The following SMYD4 variants were observed in gnomAD, a reference collection of about 807,000 sequenced individuals.
SMYD4 encodes protein-lysine N-methyltransferase SMYD4.
SMYD4 carries 68 observed loss-of-function variants against 72.8 expected under a neutral mutation model. The observed-to-expected ratio is 0.93, with a 90% confidence interval of 0.77 to 1.14. The LOEUF (loss-of-function observed/expected upper bound fraction) is 1.14. Among genes scored for constraint, SMYD4 ranks in the 50% most tolerant of loss-of-function variants. The probability of loss-of-function intolerance (pLI) is 0.00; values close to 1 mark genes in which losing one functional copy is unlikely to be tolerated. For synonymous variants in SMYD4, 407 were observed against 388.6 expected (o/e 1.05, Z -0.56); for missense variants, 984 against 1,003.7 (o/e 0.98, Z 0.27).
chr17:1,820,498 C>T (rs533886180), intron 2 of SMYD4, among the ~76,000 whole-genome samples: 2 of 152,284 alleles, frequency 1.3e-5, no homozygotes, highest in African/African-American at 4.8e-5. Flanking sequence ...CCTAAGCCTC[C>T]CAAAGTGTTG....
rs140604429 is a variant in SMYD4, at chr17:1,799,888, G to A, written c.1506C>T (p.Asn502=). The A allele has an allele frequency of 1.6e-5, 26 of 1,610,986 alleles. No individual in the cohort carries two copies. Among genetic ancestry groups the A allele is most frequent in the African/African-American group, 1.3e-4 (10 of 74,992 alleles). The part of the protein sequence containing the change: ...MLRHMLQLQC[N]AQAMTTIQHT... ...GTTGTATGGTGGTCATCGCCTGAGC[G>A]TTACACTGAAGCTGTAACATGTGTC... Residue 502 remains asparagine (N), a synonymous_variant, in exon 5 of 11, where the codon AAC becomes AAT. Coordinates refer to ENST00000305513, the MANE Select transcript of SMYD4 (RefSeq NM_052928.3).
In SMYD4 at chr17:1,814,656, T is replaced by A. The variant is rs550216642; in HGVS notation, c.135-2541A>T. 3 of 152,006 alleles carry A rather than the reference T, an allele frequency of 2.0e-5. No homozygotes were observed. In the East Asian group the frequency reaches 5.8e-4, roughly 29 times the overall value. 9.4% of individuals were successfully genotyped at this position (152,006 alleles called of 1,614,324 possible). On this transcript the variant is annotated intron_variant, in intron 2 of 10. Coordinates refer to ENST00000305513, the MANE Select transcript of SMYD4 (RefSeq NM_052928.3). ...CCTGGGCAACATAGTGGAACCCACCTCCACAAAAAATACAAAAATTAGCCG... is the reference window on the plus strand; with the variant it reads ...CCTGGGCAACATAGTGGAACCCACCACCACAAAAAATACAAAAATTAGCCG...
chr17:1,787,620 G>C lies in SMYD4; in HGVS notation c.1538-16C>G. The C allele has an allele frequency of 1.3e-6, 2 of 1,558,564 alleles. No individual in the cohort carries two copies. Among genetic ancestry groups the C allele is most frequent in the Non-Finnish European group, 1.7e-6 (2 of 1,152,086 alleles). On this transcript the variant is annotated splice_polypyrimidine_tract_variant and intron_variant, in intron 5 of 10. Transcript: ENST00000305513. The stretch of plus-strand genomic sequence containing the variant: ...CCTTTAGGTCCTGAAAGGGCAAGAG[G>C]AAAGAAGGAAAAAGGTGTCAGCACA...
chr17:1,810,482 A>T (rs1191501810), intron 3 of SMYD4, among the ~76,000 whole-genome samples: 2 of 152,034 alleles, frequency 1.3e-5, no homozygotes, highest in Non-Finnish European at 2.9e-5. Flanking sequence ...TGTTGCAGTG[A>T]TCACAGCTCA....
Position 1,800,927 on chromosome 17 carries a change from A to G in SMYD4, c.467T>C (p.Leu156Pro). Reference sequence around the variant, plus strand: ...CTGGCTTGCCTCCTGCAGTCTCCCCAGGGCCACCAGACATTCTGCTTTACG... The same window carrying G: ...CTGGCTTGCCTCCTGCAGTCTCCCCGGGGCCACCAGACATTCTGCTTTACG... ...MLRKAECLVA[L>P]GRLQEASQTI... The change falls in exon 5 of 11, where the codon CTG becomes CCG. Residue 156 changes from leucine (L) to proline (P), a missense_variant. Coordinates refer to ENST00000305513, the MANE Select transcript of SMYD4 (RefSeq NM_052928.3). 2.5e-6 allele frequency: 4 copies of G among 1,614,184 alleles called. No homozygotes were observed. Among genetic ancestry groups the G allele is most frequent in the Non-Finnish European group, 3.4e-6 (4 of 1,180,030 alleles).
intron 5 of SMYD4, among the ~76,000 whole-genome samples, chr17:1,794,045 A>ATGTGTG (rs1909225952): frequency 8.8e-5 from 8 of 90,978 alleles, no homozygotes; most frequent in African/African-American, 4.4e-4. Context: ...ATGTATGTAT[A>ATGTGTG]TATATATGTG....
rs1295466453 is a variant in SMYD4 at position 1,783,128 on chromosome 17, T to C, written c.2168A>G (p.Gln723Arg). The C allele has an allele frequency of 6.2e-7, 1 of 1,614,198 alleles. No individual in the cohort carries two copies. The highest frequency in any genetic ancestry group is 8.5e-7 in the Non-Finnish European group (1 of 1,180,040). ...GDWQKSATHL[Q>R]RSLYVVEVRH... ...AACCTCCACCACGTAGAGACTCCTC[T>C]GTAGATGGGTGGCTGACTTTTGCCA... The change falls in exon 10 of 11, where the codon CAG (glutamine) becomes CGG (arginine). Residue 723 changes from glutamine (Q) to arginine (R), a missense_variant. Transcript: ENST00000305513.
Position 1,781,229 on chromosome 17 carries a change from C to T in SMYD4, c.*57G>A, listed in dbSNP as rs1024230015. ...AGCCACCATACCTGGCCAGCAAAAC[C>T]TCTTTAACTTGTGTTCCATGGGCTC... On this transcript the variant is annotated 3_prime_UTR_variant, in exon 11 of 11. Transcript: ENST00000305513. 7 of 1,577,108 alleles carry T rather than the reference C, an allele frequency of 4.4e-6. No individual in the cohort carries two copies. In the African/African-American group the frequency reaches 9.6e-5, roughly 22 times the overall value.
chr17:1,788,989 A>T (rs929697245), intron 5 of SMYD4, among the ~76,000 whole-genome samples: 1 of 152,200 alleles, frequency 6.6e-6, no homozygotes, highest in Admixed American at 6.5e-5. Flanking sequence ...GTTGGAAGAT[A>T]AAAAATACCA....
intron 4 of SMYD4, among the ~76,000 whole-genome samples, chr17:1,803,473 C>A (rs1216514350): frequency 6.6e-6 from 1 of 152,194 alleles, no homozygotes; most frequent in Non-Finnish European, 1.5e-5. Context: ...GTCCACATCC[C>A]CATGGAATGT....
chr17:1,797,724 G>A (rs1427075969), intron 5 of SMYD4, among the ~76,000 whole-genome samples: 1 of 152,196 alleles, frequency 6.6e-6, no homozygotes. Context: ...ATATCTGGCC[G>A]GGCACGGTGG....
intron 5 of SMYD4, among the ~76,000 whole-genome samples, chr17:1,790,080 G>C (rs922546444): frequency 7.9e-5 from 12 of 152,166 alleles, no homozygotes; most frequent in African/African-American, 2.7e-4. Context: ...GAGCCGTCCA[G>C]GGCATGAACA....
At chr17:1,795,987 TTACA>T (rs1909386099) in intron 5 of SMYD4, among the ~76,000 whole-genome samples, 1 of 152,056 alleles carries the variant, frequency 6.6e-6, no homozygotes, top group South Asian at 2.1e-4. Context: ...TTTTAAAACA[TTACA>T]TAAACAATAA....
chr17:1,826,313 C>T (rs1020490718), intron 2 of SMYD4, among the ~76,000 whole-genome samples: 5 of 151,710 alleles, frequency 3.3e-5, no homozygotes, highest in East Asian at 1.9e-4. Flanking sequence ...CCCAACATGG[C>T]GAAACTCCAT....
At chr17:1,788,405 A>AT (rs1349222177) in intron 5 of SMYD4, among the ~76,000 whole-genome samples, 1 of 151,984 alleles carries the variant, frequency 6.6e-6, no homozygotes, top group Non-Finnish European at 1.5e-5. Context: ...AACATTTATT[A>AT]TTTTTTTCTT....
chr17:1,782,478 CA>C (rs34006259), intron 10 of SMYD4: 85,100 of 123,432 alleles, frequency 0.69, 28,029 homozygotes, highest in East Asian at 0.78. Flanking sequence ...GACCCCTTCT[CA>C]AAAAAAAAAA....
intron 8 of SMYD4, chr17:1,783,807 G>A (rs1156912365): frequency 5.2e-6 from 2 of 384,620 alleles, no homozygotes; most frequent in African/African-American, 4.2e-5. Flanking sequence ...CTTTCATAAA[G>A]CAGGGTAAAT....
intron 7 of SMYD4, among the ~76,000 whole-genome samples, chr17:1,785,777 A>AAAAAAAAAAAAAAAAAAAAAAAAAAAAG (rs1567765259): frequency 7.8e-5 from 1 of 12,794 alleles, no homozygotes; most frequent in African/African-American, 2.5e-4. Flanking sequence ...AAAAAAAAAG[A>AAAAAAAAAAAAAAAAAAAAAAAAAAAAG]AAAAAAAAAA....
intron 5 of SMYD4, among the ~76,000 whole-genome samples, chr17:1,787,944 T>C (rs1391252185): frequency 2.6e-5 from 4 of 152,208 alleles, no homozygotes; most frequent in Non-Finnish European, 4.4e-5. Flanking sequence ...TGTTCTCACA[T>C]AGAAACCAGA....
Sources: allele counts gnomAD v4.1 joint callset (sites outside exome capture counted in the v4.1 genomes callset), GRCh38; gene constraint gnomAD v4.1.1; transcripts MANE v1.5; gene names NCBI Gene and HGNC (gene_info 2026-07-23, HGNC 2026-07-21).